Variants in CAMSAP1 observed in about 807,000 individuals in gnomAD.
CAMSAP1 encodes calmodulin regulated spectrin associated protein 1, also known as calmodulin-regulated spectrin-associated protein 1.
In CAMSAP1, 58 loss-of-function variants were observed where a neutral mutation model predicts 143.5. The observed-to-expected ratio is 0.40, with a 90% CI of 0.33 to 0.50. The LOEUF (loss-of-function observed/expected upper bound fraction) is 0.50. Ranked by LOEUF, CAMSAP1 falls within the 20% of genes least tolerant of loss-of-function variation. The pLI is 0.45. For missense variants in CAMSAP1, 1,969 were observed against 2,115.7 expected, an observed-to-expected ratio of 0.93 and a Z score of 1.36; for synonymous variants, 945 against 859.3, an observed-to-expected ratio of 1.10 and a Z score of -1.74.
In CAMSAP1 at chr9:135,818,206, C is replaced by G; in HGVS notation, c.4169-127G>C. 8.5e-7 allele frequency: 1 copy of G among 1,175,246 alleles called. No individual in the cohort carries two copies. The highest frequency in any genetic ancestry group is 2.6e-5 in the East Asian group (1 of 38,962). 72.8% of individuals were successfully genotyped at this position (1,175,246 alleles called of 1,614,324 possible). ...CACACAGGCCGCGTCCCCACCCCAT[C>G]CCGGGGAGCCGGGCTGCGCCTGGAT... On this transcript the variant is annotated intron_variant, in intron 13 of 16. Transcript: ENST00000389532. The surrounding 1 kb of genome is among the most constrained non-coding windows in gnomAD (Gnocchi z 7.7).
intron 4 of CAMSAP1, among the ~76,000 whole-genome samples, chr9:135,863,688 C>T (rs1174836057): frequency 6.6e-6 from 1 of 152,082 alleles, no homozygotes; most frequent in Non-Finnish European, 1.5e-5. Context: ...AGCAATAAGG[C>T]TTATTTTATG....
At chr9:135,897,016 T>A (rs1246644321) in intron 1 of CAMSAP1, among the ~76,000 whole-genome samples, 1 of 152,182 alleles carries the variant, frequency 6.6e-6, no homozygotes, top group Non-Finnish European at 1.5e-5. Flanking sequence ...TCCAGAACCA[T>A]GAACAATCAA....
intron 16 of CAMSAP1, among the ~76,000 whole-genome samples, chr9:135,813,023 G>T (rs1429685329): frequency 6.6e-6 from 1 of 151,944 alleles, no homozygotes; most frequent in South Asian, 2.1e-4. Flanking sequence ...TTTGTTGATT[G>T]TATTTTAAAG....
At chr9:135,880,186 T>C (rs1837892585) in intron 3 of CAMSAP1, among the ~76,000 whole-genome samples, 1 of 152,126 alleles carries the variant, frequency 6.6e-6, no homozygotes, top group African/African-American at 2.4e-5. Flanking sequence ...TCCACTAGCA[T>C]TACAGGAGCG....
chr9:135,822,110 G>A lies in CAMSAP1; in HGVS notation c.2551C>T (p.Pro851Ser). ...TPDASESCPAPLTTWRQKREQ... is the reference protein window; with the variant it reads ...TPDASESCPASLTTWRQKREQ... ...CTCTTCTGCCTCCACGTCGTCAGAG[G>A]GGCTGGGCAGCTCTCAGACGCATCT... The change falls in exon 11 of 17, where the codon CCT becomes TCT. Residue 851 changes from proline (P) to serine (S), a missense_variant. By Grantham distance (74) the Pro-to-Ser change is moderately conservative (BLOSUM62 -1). This residue lies in a region of CAMSAP1 where 1,390 missense variants were observed against 1,420.8 expected (regional missense o/e 0.98). Transcript: ENST00000389532. This position sits in a 1 kb window ranked among gnomAD's most constrained non-coding sequence, Gnocchi z 6.1. 6.2e-7 allele frequency: 1 copy of A among 1,612,310 alleles called. No homozygotes were observed. Among genetic ancestry groups the A allele is most frequent in the Non-Finnish European group, 8.5e-7 (1 of 1,179,722 alleles).
In CAMSAP1 at chr9:135,882,770, G is replaced by T. The variant is rs943174413; in HGVS notation, c.423+46C>A. ...CCAGGTGCGCCACACGAGAGCCCACGGCTCCAGAGGATGGCCCCTGGGGGC... is the reference window on the plus strand; with the variant it reads ...CCAGGTGCGCCACACGAGAGCCCACTGCTCCAGAGGATGGCCCCTGGGGGC... On this transcript the variant is annotated intron_variant, in intron 2 of 16. Coordinates refer to ENST00000389532, the MANE Select transcript of CAMSAP1 (RefSeq NM_015447.4). This position sits in a 1 kb window ranked among gnomAD's most constrained non-coding sequence, Gnocchi z 4.9. The T allele has an allele frequency of 1.3e-6, 2 of 1,525,984 alleles. No homozygotes were observed. Among genetic ancestry groups the T allele is most frequent in the Admixed American group, 4.0e-5 (2 of 50,296 alleles). The allele number at this position is 1,525,984 out of a possible 1,614,324, so 94.5% of individuals were successfully genotyped here. A position where few individuals can be genotyped will look rare whatever the true frequency, so the allele number is the denominator to read the frequency against.
chr9:135,837,985 ACG>A (rs1836155682), intron 7 of CAMSAP1, among the ~76,000 whole-genome samples: 15 of 128,212 alleles, frequency 1.2e-4, no homozygotes, highest in South Asian at 5.3e-4. Flanking sequence ...ACATCATCAC[ACG>A]CTTTCTACCC....
Position 135,811,468 on chromosome 9 carries a change from T to C in CAMSAP1, c.4650A>G (p.Lys1550=). 6.2e-7 allele frequency: 1 copy of C among 1,612,200 alleles called. No individual in the cohort carries two copies. Among genetic ancestry groups the C allele is most frequent in the Non-Finnish European group, 8.5e-7 (1 of 1,178,990 alleles). ...TGTGPKNITK[K]MIDKLYKYSS... ...TGTATTTATACAGTTTGTCGATCAT[T>C]TTCTTGGTGATGTTCTTTGGCCCCG... is the stretch of plus-strand genomic sequence containing the variant. Residue 1550 remains lysine (K), a synonymous_variant, in exon 17 of 17, where the codon AAA becomes AAG. Transcript: ENST00000389532. The surrounding 1 kb of genome is among the most constrained non-coding windows in gnomAD (Gnocchi z 4.9).
Position 135,822,629 on chromosome 9 carries a change from C to A in CAMSAP1, c.2032G>T (p.Val678Phe). Residue 678 changes from valine to phenylalanine, a missense_variant, in exon 11 of 17, where the codon GTC becomes TTC. Physicochemically the swap from Val to Phe is conservative, Grantham distance 50. Around this residue, in one of 4 missense-constraint regions of CAMSAP1, gnomAD observed 1,390 missense variants for 1,420.8 expected, o/e 0.98. Transcript: ENST00000389532. The surrounding 1 kb of genome is among the most constrained non-coding windows in gnomAD (Gnocchi z 6.1). ...GPLSVETAGE[V>F]CGGPLALGGF... is the part of the protein sequence containing the mutation. ...CCAAGGGCCAGAGGCCCACCACAGACCTCTCCTGCGGTTTCCACTGACAGT... is the reference window on the plus strand; with the variant it reads ...CCAAGGGCCAGAGGCCCACCACAGAACTCTCCTGCGGTTTCCACTGACAGT... 1 of 1,612,286 alleles carries A rather than the reference C, an allele frequency of 6.2e-7. No individual in the cohort carries two copies. The highest frequency in any genetic ancestry group is 8.5e-7 in the Non-Finnish European group (1 of 1,178,984).
chr9:135,827,342 TTAAAC>T, intron 8 of CAMSAP1, 60 bp downstream of exon 8: 4 of 1,375,896 alleles, frequency 2.9e-6, no homozygotes, highest in Non-Finnish European at 3.8e-6. Flanking sequence ...AATTAATATT[TTAAAC>T]TAACACAAAA....
chr9:135,853,698 C>G (rs1024447982), intron 5 of CAMSAP1, among the ~76,000 whole-genome samples: 33 of 152,228 alleles, frequency 2.2e-4, no homozygotes, highest in Non-Finnish European at 4.7e-4. Flanking sequence ...GTGGGCACTG[C>G]AGTGCAGGGC....
In CAMSAP1 at chr9:135,882,058, T is replaced by C. The variant is rs1446470247; in HGVS notation, c.424-264A>G. 6.6e-6 allele frequency among the ~76,000 whole-genome samples: 1 copy of C among 152,192 alleles called. No homozygotes were observed. The highest frequency in any genetic ancestry group is 1.5e-5 in the Non-Finnish European group (1 of 68,030). On this transcript the variant is annotated intron_variant, in intron 2 of 16. Transcript: ENST00000389532. The surrounding 1 kb of genome is among the most constrained non-coding windows in gnomAD (Gnocchi z 4.9). ...GCCAGCCCTGTGGCCCACAGTGCAC[T>C]GTCTCACACTGTCCTTTCTTATCTC...
At chr9:135,877,584 T>C (rs543228930) in intron 3 of CAMSAP1, among the ~76,000 whole-genome samples, 16 of 151,386 alleles carry the variant, frequency 1.1e-4, no homozygotes, top group Admixed American at 7.2e-4. Context: ...GGCAGGAGAA[T>C]TGCTTGAGCC....
intron 14 of CAMSAP1, among the ~76,000 whole-genome samples, chr9:135,816,821 C>T (rs895597231): frequency 2.0e-5 from 3 of 152,148 alleles, no homozygotes; most frequent in Non-Finnish European, 2.9e-5. Context: ...TGACAACACG[C>T]GTGGAGGAAG....
intron 7 of CAMSAP1, among the ~76,000 whole-genome samples, chr9:135,846,996 G>A (rs373256493): frequency 1.3e-5 from 2 of 152,228 alleles, no homozygotes; most frequent in South Asian, 2.1e-4. Context: ...TCTATAAACT[G>A]AAATACCATT....
At chr9:135,906,449 C>T (rs1023529470) in intron 1 of CAMSAP1, among the ~76,000 whole-genome samples, 6 of 152,214 alleles carry the variant, frequency 3.9e-5, no homozygotes, top group African/African-American at 1.4e-4. Context: ...GACTGAGTAA[C>T]AAGGTTACCT....
intron 5 of CAMSAP1, 150 bp downstream of exon 5, chr9:135,862,316 AT>A: frequency 2.2e-6 from 2 of 925,082 alleles, no homozygotes; most frequent in Middle Eastern, 3.5e-4. Flanking sequence ...TCATCCCCCA[AT>A]TTTTTCATCT....
At chr9:135,874,480 G>GC (rs1300319168) in intron 3 of CAMSAP1, among the ~76,000 whole-genome samples, 5 of 139,572 alleles carry the variant, frequency 3.6e-5, no homozygotes, top group Non-Finnish European at 6.0e-5. Context: ...CTCAAAAAAG[G>GC]GGGGGGGGGG....
intron 14 of CAMSAP1, chr9:135,817,759 G>C (rs1444148571): frequency 1.9e-6 from 1 of 533,364 alleles, no homozygotes; most frequent in African/African-American, 1.9e-5. Context: ...GGACAGGGGA[G>C]GGTGATAAGG....
Sources: gnomAD v4.1 joint callset for allele counts (sites outside exome capture counted in the v4.1 genomes callset) on GRCh38, gnomAD v4.1.1 for gene constraint, gnomAD v4.1.1 regional missense constraint, Gnocchi (gnomAD v3.1) non-coding constraint, MANE v1.5 for transcripts, NCBI Gene and HGNC (gene_info 2026-07-23, HGNC 2026-07-21) for gene names.